The following CNTNAP5 variants were observed in gnomAD, a reference collection of about 807,000 sequenced individuals.
The protein encoded by CNTNAP5 is contactin associated protein family member 5.
A neutral mutation model predicts 150.2 loss-of-function variants in CNTNAP5; 72 were observed. The observed-to-expected ratio is 0.48, with a 90% confidence interval of 0.40 to 0.58. The LOEUF is 0.58. Ranked by LOEUF, CNTNAP5 falls within the 20% of genes least tolerant of loss-of-function variation. The probability of loss-of-function intolerance (pLI) is 0.00; values close to 1 mark genes in which losing one functional copy is unlikely to be tolerated. For missense variants in CNTNAP5, 1,636 were observed against 1,626.2 expected (o/e 1.01, Z -0.10); for synonymous variants, 672 against 619.8 (o/e 1.08, Z -1.25).
chr2:124,794,148 G>T lies in CNTNAP5; in HGVS notation c.2993-3948G>T, dbSNP rs574676565. Among the ~76,000 whole-genome samples, 356 of 152,286 alleles carry T rather than the reference G, an allele frequency of 2.3e-3. 5 individuals carry two copies. The highest frequency in any genetic ancestry group is 7.6e-3 in the African/African-American group (316 of 41,550). On this transcript the variant is annotated intron_variant, in intron 18 of 23. Coordinates refer to ENST00000682447, the MANE Select transcript of CNTNAP5 (RefSeq NM_001367498.1). ...ATGATTGCAATATGTTCCATCTGGT[G>T]CTACTACCTTCTCTTGTTTAATCCA...
At chr2:124,904,521 A>G (rs892343028) in intron 22 of CNTNAP5, among the ~76,000 whole-genome samples, 1 of 152,182 alleles carries the variant, frequency 6.6e-6, no homozygotes, top group African/African-American at 2.4e-5. Flanking sequence ...ATACTGGCAT[A>G]AAACAGACAC....
chr2:124,096,346 C>G (rs890380679), intron 1 of CNTNAP5, among the ~76,000 whole-genome samples: 2 of 152,126 alleles, frequency 1.3e-5, no homozygotes, highest in Non-Finnish European at 2.9e-5. Context: ...AGAAAAATCC[C>G]TTTGGGCAAG....
At chr2:124,329,409 C>G (rs1011110658) in intron 3 of CNTNAP5, among the ~76,000 whole-genome samples, 3 of 151,914 alleles carry the variant, frequency 2.0e-5, no homozygotes, top group Non-Finnish European at 4.4e-5. Context: ...CAGAGATAGC[C>G]CCTCAGAGAA....
At chr2:124,624,566 T>C (rs1453058492) in intron 12 of CNTNAP5, among the ~76,000 whole-genome samples, 1 of 152,222 alleles carries the variant, frequency 6.6e-6, no homozygotes, top group Non-Finnish European at 1.5e-5. Context: ...AGTTGGTAAT[T>C]CAGAAATTAA....
At chr2:124,061,819 C>A (rs1346632743) in intron 1 of CNTNAP5, among the ~76,000 whole-genome samples, 1 of 152,154 alleles carries the variant, frequency 6.6e-6, no homozygotes, top group Non-Finnish European at 1.5e-5. Context: ...CCTGCTATTT[C>A]TTTTCCTGAG....
intron 3 of CNTNAP5, among the ~76,000 whole-genome samples, chr2:124,335,244 A>C (rs1358963865): frequency 6.6e-6 from 1 of 152,120 alleles, no homozygotes; most frequent in Non-Finnish European, 1.5e-5. Flanking sequence ...AGTTGAAATA[A>C]CAAAAGGCCC....
chr2:124,772,112 C>A (rs1273273519), intron 16 of CNTNAP5, among the ~76,000 whole-genome samples: 1 of 152,060 alleles, frequency 6.6e-6, no homozygotes, highest in African/African-American at 2.4e-5. Flanking sequence ...ACAGCACTAC[C>A]ACCACCACCA....
chr2:124,708,719 T>A (rs1410025692), intron 13 of CNTNAP5, among the ~76,000 whole-genome samples: 1 of 152,148 alleles, frequency 6.6e-6, no homozygotes, highest in African/African-American at 2.4e-5. Flanking sequence ...AGAATGAGTC[T>A]GACTATGTTT....
intron 3 of CNTNAP5, among the ~76,000 whole-genome samples, chr2:124,294,744 C>T (rs769892769): frequency 1.2e-4 from 18 of 152,302 alleles, no homozygotes; most frequent in Non-Finnish European, 2.4e-4. Flanking sequence ...ACAAAAAATT[C>T]GCACTTTCAC....
At chr2:124,709,124 T>C (rs1474471949) in intron 13 of CNTNAP5, among the ~76,000 whole-genome samples, 2 of 152,092 alleles carry the variant, frequency 1.3e-5, no homozygotes, top group East Asian at 3.9e-4. Context: ...GCAAGTTTCT[T>C]TGGACAATCT....
chr2:124,357,767 T>G (rs1690057467), intron 3 of CNTNAP5, among the ~76,000 whole-genome samples: 1 of 144,912 alleles, frequency 6.9e-6, no homozygotes, highest in Non-Finnish European at 1.5e-5. Flanking sequence ...TTCTTTTGGC[T>G]TAGGATTGCC....
intron 18 of CNTNAP5, among the ~76,000 whole-genome samples, chr2:124,792,334 T>G (rs2104635211): frequency 6.6e-6 from 1 of 152,300 alleles, no homozygotes; most frequent in South Asian, 2.1e-4. Context: ...AAATCTAAAT[T>G]TAACTTATTG....
At chr2:124,250,135 A>T (rs1558819465) in intron 3 of CNTNAP5, among the ~76,000 whole-genome samples, 1 of 152,150 alleles carries the variant, frequency 6.6e-6, no homozygotes, top group African/African-American at 2.4e-5. Context: ...TAGTCACCTC[A>T]TATGATCTGT....
At chr2:124,683,022 G>A (rs1679104989) in intron 13 of CNTNAP5, among the ~76,000 whole-genome samples, 1 of 152,154 alleles carries the variant, frequency 6.6e-6, no homozygotes, top group Admixed American at 6.5e-5. Flanking sequence ...GTTGCAGTTG[G>A]TGGCCATGGT....
intron 11 of CNTNAP5, among the ~76,000 whole-genome samples, chr2:124,605,631 A>G (rs927076942): frequency 2.6e-5 from 4 of 151,858 alleles, no homozygotes; most frequent in Non-Finnish European, 5.9e-5. Context: ...CTTGACTAAC[A>G]TGGTGAAACC....
chr2:124,582,918 ATAAG>A (rs1460487336), intron 11 of CNTNAP5, among the ~76,000 whole-genome samples: 4 of 152,200 alleles, frequency 2.6e-5, no homozygotes, highest in Non-Finnish European at 2.9e-5. Context: ...CAGAAAATAA[ATAAG>A]TAATTCAGTT....
At chr2:124,845,198 T>A (rs2461310) in intron 19 of CNTNAP5, among the ~76,000 whole-genome samples, 1 of 152,064 alleles carries the variant, frequency 6.6e-6, no homozygotes, top group African/African-American at 2.4e-5. Context: ...GTGATACTGG[T>A]TTTTTTCTAA....
intron 18 of CNTNAP5, among the ~76,000 whole-genome samples, chr2:124,794,538 G>GA (rs1681804380): frequency 6.6e-6 from 1 of 152,072 alleles, no homozygotes; most frequent in African/African-American, 2.4e-5. Flanking sequence ...GAATTTCAGT[G>GA]AAAAAAATAA....
chr2:124,694,558 C>T (rs911748005), intron 13 of CNTNAP5, among the ~76,000 whole-genome samples: 1 of 152,100 alleles, frequency 6.6e-6, no homozygotes, highest in Admixed American at 6.6e-5. Context: ...TACATGTAAA[C>T]ACATAGGCAC....
Sources: gnomAD v4.1 joint callset for allele counts (sites outside exome capture counted in the v4.1 genomes callset) on GRCh38, gnomAD v4.1.1 for gene constraint, MANE v1.5 for transcripts, NCBI Gene and HGNC (gene_info 2026-07-23, HGNC 2026-07-21) for gene names.